The following VPS13B variants were observed in gnomAD, a reference collection of about 807,000 sequenced individuals.
VPS13B encodes the protein vacuolar protein sorting 13 homolog B.
In VPS13B, 285 loss-of-function variants were observed where a neutral mutation model predicts 426.4. The ratio of observed to expected loss-of-function variants is 0.67; its 90% confidence interval spans 0.61 to 0.74. The LOEUF (loss-of-function observed/expected upper bound fraction) is 0.74. Ranked by LOEUF, VPS13B falls within the 30% of genes least tolerant of loss-of-function variation. The pLI is 0.00. For synonymous variants in VPS13B, 1,676 were observed against 1,676.4 expected (o/e 1.00, Z 0.01); for missense variants, 4,537 against 4,782.6 (o/e 0.95, Z 1.51).
intron 33 of VPS13B, among the ~76,000 whole-genome samples, chr8:99,579,751 A>G (rs1825961686): frequency 6.9e-6 from 1 of 144,838 alleles, no homozygotes; most frequent in Non-Finnish European, 1.5e-5. Flanking sequence ...TGTTGCCCAG[A>G]CTAGAGTGCC....
chr8:99,782,795 C>T (rs976033791), intron 42 of VPS13B, among the ~76,000 whole-genome samples: 13 of 152,064 alleles, frequency 8.5e-5, no homozygotes, highest in Admixed American at 3.3e-4. Flanking sequence ...AACTCAACAG[C>T]AGTCAAGTTT....
chr8:99,298,429 C>T (rs62534570), intron 19 of VPS13B, among the ~76,000 whole-genome samples: 3,006 of 152,038 alleles, frequency 0.02, 46 homozygotes, highest in Non-Finnish European at 0.029. Context: ...GCAGAGGTTC[C>T]GGTGAGCCGA....
At position 99,442,653 on chromosome 8, in the gene VPS13B, T is replaced by C; in HGVS notation, c.3445+18T>C. On this transcript the variant is annotated intron_variant, in intron 23 of 61. Transcript: ENST00000357162. ...TGAAGAAGGTATATGTTAACATTTT[T>C]TTCCTATGGTTAATGTTTTATATGG... The C allele has an allele frequency of 6.2e-7, 1 of 1,607,576 alleles. No homozygotes were observed. The highest frequency in any genetic ancestry group is 8.5e-7 in the Non-Finnish European group (1 of 1,175,172).
At chr8:99,605,091 A>G (rs1161349059) in intron 33 of VPS13B, among the ~76,000 whole-genome samples, 1 of 152,138 alleles carries the variant, frequency 6.6e-6, no homozygotes, top group African/African-American at 2.4e-5. Flanking sequence ...GCAATATGTG[A>G]GATTTGCACT....
At chr8:99,761,566 G>A (rs1316254120) in intron 39 of VPS13B, among the ~76,000 whole-genome samples, 2 of 152,120 alleles carry the variant, frequency 1.3e-5, no homozygotes, top group African/African-American at 2.4e-5. Flanking sequence ...CAATGTGCCA[G>A]CTAATTTTTA....
intron 2 of VPS13B, among the ~76,000 whole-genome samples, chr8:99,035,402 T>A (rs1842697392): frequency 6.6e-6 from 1 of 152,192 alleles, no homozygotes; most frequent in Non-Finnish European, 1.5e-5. Context: ...AGATACCTTA[T>A]ATATGTGGAA....
At chr8:99,636,331 A>G (rs896126479) in intron 33 of VPS13B, among the ~76,000 whole-genome samples, 3 of 152,020 alleles carry the variant, frequency 2.0e-5, no homozygotes, top group African/African-American at 7.2e-5. Flanking sequence ...AATAGTTCTT[A>G]AACAATAACA....
chr8:99,383,875 A>G (rs1813972594), intron 19 of VPS13B, among the ~76,000 whole-genome samples: 2 of 152,296 alleles, frequency 1.3e-5, no homozygotes, highest in Admixed American at 1.3e-4. Context: ...ATGGAAATTT[A>G]TATTGATTTC....
Position 99,766,988 on chromosome 8 carries a change from G to T in VPS13B, c.7247+18G>T. 1.2e-6 allele frequency: 2 copies of T among 1,610,868 alleles called. No homozygotes were observed. Among genetic ancestry groups the T allele is most frequent in the South Asian group, 1.1e-5 (1 of 90,992 alleles). On this transcript the variant is annotated intron_variant, in intron 40 of 61. Coordinates refer to ENST00000357162, the MANE Select transcript of VPS13B (RefSeq NM_152564.5). Reference sequence around the variant, plus strand: ...GACCAAAGGTAATTCATTGAAAGATGATATGGTAGCATTACACTGGGAAAC... The same window carrying T: ...GACCAAAGGTAATTCATTGAAAGATTATATGGTAGCATTACACTGGGAAAC...
At chr8:99,838,151 C>T (rs1273741994) in intron 54 of VPS13B, among the ~76,000 whole-genome samples, 1 of 152,202 alleles carries the variant, frequency 6.6e-6, no homozygotes, top group African/African-American at 2.4e-5. Flanking sequence ...TGTGGGCTTT[C>T]TGTGGTTGAA....
At chr8:99,274,397 A>C (rs1477919522) in intron 18 of VPS13B, 65 bp downstream of exon 18, 1 of 1,610,608 alleles carries the variant, frequency 6.2e-7, no homozygotes, top group East Asian at 2.2e-5. Flanking sequence ...TGCGTTTTAC[A>C]AGGAGCGTTA....
intron 3 of VPS13B, among the ~76,000 whole-genome samples, chr8:99,066,246 C>A (rs200825151): frequency 6.6e-6 from 1 of 152,150 alleles, no homozygotes. Context: ...ACCTGACTTC[C>A]AACTATCCTA....
At chr8:99,341,015 CT>C in intron 19 of VPS13B, 1 of 262,206 alleles carries the variant, frequency 3.8e-6, no homozygotes, top group Non-Finnish European at 7.9e-6. Context: ...CTGAAGTCAC[CT>C]TTTTATACTG....
At chr8:99,339,276 G>A (rs992368616) in intron 19 of VPS13B, among the ~76,000 whole-genome samples, 194 of 152,206 alleles carry the variant, frequency 1.3e-3, no homozygotes, top group African/African-American at 4.6e-3. Flanking sequence ...AAAGAATAGA[G>A]GTTTGATTGG....
intron 19 of VPS13B, among the ~76,000 whole-genome samples, chr8:99,359,934 C>A (rs1812405764): frequency 6.6e-6 from 1 of 152,100 alleles, no homozygotes; most frequent in Non-Finnish European, 1.5e-5. Flanking sequence ...TTCCAAGTAA[C>A]TGGGACTACA....
chr8:99,673,893 C>A (rs2129911535), intron 35 of VPS13B, among the ~76,000 whole-genome samples: 1 of 152,066 alleles, frequency 6.6e-6, no homozygotes, highest in African/African-American at 2.4e-5. Context: ...TATTTAATTT[C>A]CATAAACTTG....
At chr8:99,292,064 T>C (rs1425008699) in intron 19 of VPS13B, among the ~76,000 whole-genome samples, 1 of 152,136 alleles carries the variant, frequency 6.6e-6, no homozygotes, top group African/African-American at 2.4e-5. Context: ...TTTTAAAATT[T>C]GGATGTTGGG....
chr8:99,121,158 A>G lies in VPS13B; in HGVS notation c.938-19A>G. Reference sequence around the variant, plus strand: ...AAATCCTTTTGACTTATTTAAAATGACTTAATTTTAATTGATAGGTTCTGA... The same window carrying G: ...AAATCCTTTTGACTTATTTAAAATGGCTTAATTTTAATTGATAGGTTCTGA... On this transcript the variant is annotated intron_variant, in intron 7 of 61. Transcript: ENST00000357162. 3.7e-6 allele frequency: 6 copies of G among 1,606,410 alleles called. No homozygotes were observed. The highest frequency in any genetic ancestry group is 5.1e-6 in the Non-Finnish European group (6 of 1,176,258).
chr8:99,473,125 G>A (rs1298160585), intron 24 of VPS13B, among the ~76,000 whole-genome samples: 1 of 151,934 alleles, frequency 6.6e-6, no homozygotes, highest in Non-Finnish European at 1.5e-5. Flanking sequence ...CAGAAATGAA[G>A]CCTGAAGCAT....
Sources: gnomAD v4.1 joint callset for allele counts (sites outside exome capture counted in the v4.1 genomes callset) on GRCh38, gnomAD v4.1.1 for gene constraint, MANE v1.5 for transcripts, NCBI Gene and HGNC (gene_info 2026-07-23, HGNC 2026-07-21) for gene names.